CCSER1: variants seen among roughly 807,000 people sequenced by gnomAD.
CCSER1 encodes coiled-coil serine rich protein 1.
A neutral mutation model predicts 82.0 loss-of-function variants in CCSER1; 41 were observed. The observed-to-expected ratio is 0.50, with a 90% CI of 0.39 to 0.65. The LOEUF (loss-of-function observed/expected upper bound fraction) is 0.65. Ranked by LOEUF, CCSER1 falls within the 30% of genes least tolerant of loss-of-function variation. CCSER1 has a pLI of 0.00. For missense variants in CCSER1, 1,119 were observed against 1,064.2 expected (o/e 1.05, Z -0.72); for synonymous variants, 414 against 383.9 (o/e 1.08, Z -0.92).
At chr4:91,323,000 A>G (rs944728804) in intron 10 of CCSER1, among the ~76,000 whole-genome samples, 24 of 152,212 alleles carry the variant, frequency 1.6e-4, no homozygotes, top group African/African-American at 4.6e-4. Context: ...AAGATACAGT[A>G]AGATCTGCTG....
intron 10 of CCSER1, among the ~76,000 whole-genome samples, chr4:91,110,507 C>T (rs1415411947): frequency 2.6e-5 from 4 of 152,120 alleles, no homozygotes; most frequent in South Asian, 2.1e-4. Context: ...CTCAACACCA[C>T]ATCCCACACT....
intron 10 of CCSER1, among the ~76,000 whole-genome samples, chr4:91,336,217 T>C (rs2149282024): frequency 6.6e-6 from 1 of 152,280 alleles, no homozygotes; most frequent in African/African-American, 2.4e-5. Context: ...AGCATAGTTA[T>C]ATATCTGTGT....
At chr4:90,426,658 A>G (rs1301394588) in intron 4 of CCSER1, among the ~76,000 whole-genome samples, 1 of 152,200 alleles carries the variant, frequency 6.6e-6, no homozygotes, top group Non-Finnish European at 1.5e-5. Flanking sequence ...TCTTAAATAG[A>G]AACAAAATAC....
intron 1 of CCSER1, among the ~76,000 whole-genome samples, chr4:90,154,132 G>A (rs1279936471): frequency 6.6e-6 from 1 of 152,100 alleles, no homozygotes; most frequent in East Asian, 1.9e-4. Flanking sequence ...TATTAAATAG[G>A]GAATCCTTTC....
intron 4 of CCSER1, among the ~76,000 whole-genome samples, chr4:90,460,521 A>G (rs973828089): frequency 1.3e-5 from 2 of 151,810 alleles, no homozygotes; most frequent in African/African-American, 2.4e-5. Flanking sequence ...TAATATTTTC[A>G]TTTTCACTTT....
intron 10 of CCSER1, among the ~76,000 whole-genome samples, chr4:91,594,427 A>G (rs1265439838): frequency 1.3e-5 from 2 of 148,344 alleles, no homozygotes; most frequent in Admixed American, 6.8e-5. Context: ...ATATACATAT[A>G]TACATATACA....
intron 5 of CCSER1, among the ~76,000 whole-genome samples, chr4:90,474,282 C>T (rs1293569536): frequency 6.6e-6 from 1 of 152,088 alleles, no homozygotes; most frequent in African/African-American, 2.4e-5. Context: ...GAGCTAACAT[C>T]CACAGGCTAT....
chr4:91,081,689 T>A (rs1393083781), intron 9 of CCSER1, among the ~76,000 whole-genome samples: 1 of 152,200 alleles, frequency 6.6e-6, no homozygotes, highest in African/African-American at 2.4e-5. Flanking sequence ...AAAATCTCCT[T>A]AAGCTGATAA....
chr4:90,819,179 A>G (rs1374362342), intron 8 of CCSER1, among the ~76,000 whole-genome samples: 1 of 152,088 alleles, frequency 6.6e-6, no homozygotes, highest in Admixed American at 6.6e-5. Context: ...GAAGAGGGAG[A>G]AAGAGAGATC....
intron 5 of CCSER1, among the ~76,000 whole-genome samples, chr4:90,599,169 G>C (rs868245639): frequency 6.6e-6 from 1 of 152,048 alleles, no homozygotes; most frequent in South Asian, 2.1e-4. Context: ...TATCCGTGGT[G>C]GTTGATATGG....
chr4:91,137,021 T>TTA (rs952593017), intron 10 of CCSER1, among the ~76,000 whole-genome samples: 1 of 151,594 alleles, frequency 6.6e-6, no homozygotes, highest in Non-Finnish European at 1.5e-5. Context: ...TCTTTTTTTT[T>TTA]TTATTATACT....
At chr4:91,389,317 A>G (rs971618618) in intron 10 of CCSER1, among the ~76,000 whole-genome samples, 4 of 151,842 alleles carry the variant, frequency 2.6e-5, no homozygotes, top group Non-Finnish European at 4.4e-5. Context: ...TTCCAGCACC[A>G]TTTGTTGAAA....
chr4:90,553,002 C>T (rs1293053341), intron 5 of CCSER1, among the ~76,000 whole-genome samples: 52 of 147,936 alleles, frequency 3.5e-4, no homozygotes, highest in Admixed American at 8.0e-4. Flanking sequence ...GACGGAGTCT[C>T]GCTCTGTCAT....
At chr4:90,555,257 A>G (rs1777991866) in intron 5 of CCSER1, among the ~76,000 whole-genome samples, 1 of 152,108 alleles carries the variant, frequency 6.6e-6, no homozygotes, top group African/African-American at 2.4e-5. Flanking sequence ...CCTGGCAAAA[A>G]ATTTTTCCTG....
chr4:90,755,236 G>A (rs902972501), intron 7 of CCSER1, among the ~76,000 whole-genome samples: 3 of 152,120 alleles, frequency 2.0e-5, no homozygotes, highest in African/African-American at 7.2e-5. Context: ...AACAAGAGGG[G>A]GTGCATATTG....
At chr4:91,087,269 G>C (rs1723482616) in intron 10 of CCSER1, among the ~76,000 whole-genome samples, 1 of 151,934 alleles carries the variant, frequency 6.6e-6, no homozygotes, top group Non-Finnish European at 1.5e-5. Context: ...GCTGCTTCCT[G>C]GTCTAATAGC....
chr4:90,272,532 T>C (rs575871337), intron 1 of CCSER1, among the ~76,000 whole-genome samples: 9 of 152,274 alleles, frequency 5.9e-5, no homozygotes, highest in African/African-American at 2.2e-4. Flanking sequence ...AGAGCTACCA[T>C]ATGACCTAGG....
intron 10 of CCSER1, among the ~76,000 whole-genome samples, chr4:91,133,325 G>A (rs1728168468): frequency 6.6e-6 from 1 of 151,996 alleles, no homozygotes; most frequent in African/African-American, 2.4e-5. Context: ...AAGAATTCAG[G>A]TGTCAGAAAG....
In CCSER1 at chr4:91,599,037, C is replaced by G; in HGVS notation, c.2683C>G (p.Leu895Val). 2 of 1,542,620 alleles carry G rather than the reference C, an allele frequency of 1.3e-6. No individual in the cohort carries two copies. Among genetic ancestry groups the G allele is most frequent in the Non-Finnish European group, 1.8e-6 (2 of 1,140,284 alleles). ...HNLHSTELQT[L>V]GQQDG is the part of the protein sequence containing the mutation. ...TTTACACAGCACTGAGCTGCAAACT[C>G]TAGGCCAGCAGGATGGGTAATTAAA... Residue 895 changes from leucine (L) to valine (V), a missense_variant, in exon 11 of 11, where the codon CTA becomes GTA. Leu to Val is a conservative substitution (Grantham distance 32). Coordinates refer to ENST00000509176, the MANE Select transcript of CCSER1 (RefSeq NM_001145065.2).
Sources: gnomAD v4.1 joint callset for allele counts (sites outside exome capture counted in the v4.1 genomes callset) on GRCh38, gnomAD v4.1.1 for gene constraint, MANE v1.5 for transcripts, NCBI Gene and HGNC (gene_info 2026-07-23, HGNC 2026-07-21) for gene names.